The following CACNA2D1 variants were observed in gnomAD, a reference collection of about 807,000 sequenced individuals.
CACNA2D1 encodes voltage-dependent calcium channel subunit alpha-2/delta-1.
A neutral mutation model predicts 171.5 loss-of-function variants in CACNA2D1; 53 were observed. That is an observed-to-expected ratio of 0.31 (90% CI 0.25 to 0.39). CACNA2D1 has a LOEUF of 0.39. CACNA2D1 is among the 10% of genes least tolerant of loss of function. The pLI, the probability that CACNA2D1 is intolerant of heterozygous loss-of-function variation, is 1.00. For missense variants in CACNA2D1, 903 were observed against 1,299.8 expected (o/e 0.69, Z 4.69); for synonymous variants, 442 against 443.1 (o/e 1.00, Z 0.03).
intron 1 of CACNA2D1, among the ~76,000 whole-genome samples, chr7:82,413,197 T>C (rs1047435490): frequency 1.3e-5 from 2 of 152,222 alleles, no homozygotes; most frequent in Non-Finnish European, 2.9e-5. Flanking sequence ...TTTAATCTTT[T>C]ATATTTTGTC....
Position 81,962,455 on chromosome 7 carries a change from G to A in CACNA2D1, c.2821C>T (p.Arg941Ter), listed in dbSNP as rs1346738610. ...QQFLLSLTFP[R>*]LLEAVEMEDD... is the part of the protein sequence containing the mutation. The stretch of plus-strand genomic sequence containing the variant: ...ATTTACATACCTGCCTCAAGGAGTC[G>A]TGGAAAGGTCAAACTCAAGAGAAAC... Residue 941 changes from arginine (R) to a stop codon, truncating the protein, a stop_gained, in exon 35 of 39, where the codon CGA becomes TGA. Coordinates refer to ENST00000356860, the MANE Select transcript of CACNA2D1 (RefSeq NM_000722.4). LOFTEE classifies it high-confidence loss of function. 1.2e-6 allele frequency: 2 copies of A among 1,605,292 alleles called. No homozygotes were observed. Among genetic ancestry groups the A allele is most frequent in the Non-Finnish European group, 1.7e-6 (2 of 1,175,064 alleles).
intron 10 of CACNA2D1, among the ~76,000 whole-genome samples, chr7:82,041,830 T>C (rs1416690923): frequency 2.0e-5 from 3 of 152,196 alleles, no homozygotes; most frequent in Admixed American, 6.5e-5. Context: ...AATAGTAAAG[T>C]GACCTTAGAG....
chr7:82,345,474 T>C (rs1218977710), intron 2 of CACNA2D1, among the ~76,000 whole-genome samples: 4 of 152,204 alleles, frequency 2.6e-5, no homozygotes, highest in East Asian at 1.9e-4. Flanking sequence ...TATCCTAAAA[T>C]TTTAGAAATT....
intron 7 of CACNA2D1, among the ~76,000 whole-genome samples, chr7:82,068,261 G>T (rs1173177614): frequency 2.0e-5 from 3 of 151,884 alleles, no homozygotes; most frequent in African/African-American, 4.8e-5. Flanking sequence ...CCCGCCCCCT[G>T]CCCCAGATAT....
At chr7:82,433,272 A>AAAAAT (rs1394197444) in intron 1 of CACNA2D1, among the ~76,000 whole-genome samples, 1 of 152,174 alleles carries the variant, frequency 6.6e-6, no homozygotes, top group East Asian at 1.9e-4. Context: ...GAAGTAAATG[A>AAAAAT]AAAATAAAGA....
chr7:82,211,437 C>G (rs1298685504), intron 3 of CACNA2D1, among the ~76,000 whole-genome samples: 1 of 152,140 alleles, frequency 6.6e-6, no homozygotes, highest in Non-Finnish European at 1.5e-5. Flanking sequence ...TCAGCTCCCA[C>G]TTATAAATGA....
At chr7:81,951,284 AAC>A (rs1440302575) in intron 38 of CACNA2D1, among the ~76,000 whole-genome samples, 1 of 152,110 alleles carries the variant, frequency 6.6e-6, no homozygotes, top group Non-Finnish European at 1.5e-5. Context: ...TATATTTGAT[AAC>A]ATTGTCCACA....
chr7:82,264,725 T>C (rs944380163), intron 3 of CACNA2D1, among the ~76,000 whole-genome samples: 1 of 152,238 alleles, frequency 6.6e-6, no homozygotes, highest in Non-Finnish European at 1.5e-5. Context: ...ACAGCTGCAC[T>C]TTCCTACTCA....
chr7:82,057,255 A>C (rs1806022382), intron 10 of CACNA2D1, among the ~76,000 whole-genome samples: 1 of 152,136 alleles, frequency 6.6e-6, no homozygotes, highest in Non-Finnish European at 1.5e-5. Flanking sequence ...GCTACACATC[A>C]ATTTTCTCCT....
chr7:82,442,704 AC>A (rs1830595005), intron 1 of CACNA2D1, among the ~76,000 whole-genome samples: 1 of 152,128 alleles, frequency 6.6e-6, no homozygotes, highest in African/African-American at 2.4e-5. Flanking sequence ...AAGAACAGGG[AC>A]CGCGTGTCTG....
intron 4 of CACNA2D1, among the ~76,000 whole-genome samples, chr7:82,140,656 TA>T (rs1047928038): frequency 2.4e-4 from 36 of 151,674 alleles, no homozygotes; most frequent in Admixed American, 5.9e-4. Flanking sequence ...TATTTTCTTA[TA>T]AAAAAAAATT....
chr7:82,231,145 C>A (rs1344703031), intron 3 of CACNA2D1, among the ~76,000 whole-genome samples: 3 of 152,226 alleles, frequency 2.0e-5, no homozygotes, highest in African/African-American at 7.2e-5. Context: ...GAGCTCAGCA[C>A]TGGGAACCTG....
At chr7:81,975,495 T>G (rs1382753852) in intron 24 of CACNA2D1, among the ~76,000 whole-genome samples, 2 of 152,168 alleles carry the variant, frequency 1.3e-5, no homozygotes, top group Non-Finnish European at 2.9e-5. Context: ...GGCTTGTTTT[T>G]CTTCAGATAT....
intron 8 of CACNA2D1, among the ~76,000 whole-genome samples, chr7:82,065,425 TCTC>T: frequency 6.6e-6 from 1 of 152,030 alleles, no homozygotes; most frequent in Non-Finnish European, 1.5e-5. Context: ...AGCTTCTAAG[TCTC>T]CTCCAAAACA....
intron 12 of CACNA2D1, among the ~76,000 whole-genome samples, chr7:82,018,134 G>A (rs1800733691): frequency 6.6e-6 from 1 of 152,148 alleles, no homozygotes; most frequent in African/African-American, 2.4e-5. Context: ...GACATATACA[G>A]TAACAGATGG....
At chr7:82,150,864 A>G (rs779919562) in intron 4 of CACNA2D1, among the ~76,000 whole-genome samples, 6 of 152,186 alleles carry the variant, frequency 3.9e-5, no homozygotes, top group Non-Finnish European at 8.8e-5. Flanking sequence ...AAGGAAAAAA[A>G]ATGAAATGGC....
At chr7:82,380,199 C>T (rs1823531127) in intron 1 of CACNA2D1, among the ~76,000 whole-genome samples, 1 of 152,154 alleles carries the variant, frequency 6.6e-6, no homozygotes, top group Admixed American at 6.6e-5. Context: ...TTCTCACCTC[C>T]AAAGAAGATG....
At chr7:82,174,177 A>T (rs1796328641) in intron 3 of CACNA2D1, among the ~76,000 whole-genome samples, 1 of 151,972 alleles carries the variant, frequency 6.6e-6, no homozygotes, top group Non-Finnish European at 1.5e-5. Flanking sequence ...CAGAAAAAAA[A>T]AAATAAAAAA....
chr7:82,334,578 A>G (rs1817756877), intron 3 of CACNA2D1, among the ~76,000 whole-genome samples: 2 of 152,230 alleles, frequency 1.3e-5, no homozygotes, highest in Admixed American at 1.3e-4. Context: ...GTAGCTGAAG[A>G]TTACATACAG....
Sources: allele counts gnomAD v4.1 joint callset (sites outside exome capture counted in the v4.1 genomes callset), GRCh38; gene constraint gnomAD v4.1.1; transcripts MANE v1.5; gene names NCBI Gene and HGNC (gene_info 2026-07-23, HGNC 2026-07-21).